ANXA4: variants seen among roughly 807,000 people sequenced by gnomAD.
ANXA4 encodes 35-beta calcimedin.
In ANXA4, 39 loss-of-function variants were observed where a neutral mutation model predicts 49.8. The ratio of observed to expected loss-of-function variants is 0.78; its 90% CI spans 0.61 to 1.02. The LOEUF (loss-of-function observed/expected upper bound fraction) is 1.02. Ranked by LOEUF, ANXA4 falls within the 50% of genes least tolerant of loss-of-function variation. The pLI is 0.00. For synonymous variants in ANXA4, 134 were observed against 152.5 expected (o/e 0.88, Z 0.89); for missense variants, 360 against 410.1 (o/e 0.88, Z 1.05).
intron 2 of ANXA4, among the ~76,000 whole-genome samples, chr2:69,694,525 C>T (rs896911345): frequency 9.6e-6 from 1 of 104,694 alleles, no homozygotes; most frequent in African/African-American, 3.6e-5. Context: ...CCTCCCCCCT[C>T]CCCCCACCCC....
chr2:69,649,687 C>CT (rs1195817787), intron 1 of ANXA4, among the ~76,000 whole-genome samples: 1 of 146,580 alleles, frequency 6.8e-6, no homozygotes, highest in African/African-American at 2.5e-5. Context: ...CCTCAGCTCA[C>CT]TGCAGCCTCG....
chr2:69,820,512 G>A (rs2290452), intron 11 of ANXA4, among the ~76,000 whole-genome samples, 187 bp from the exon 12 acceptor site: 34,062 of 151,884 alleles, frequency 0.22, 4,150 homozygotes, highest in African/African-American at 0.32. Context: ...ATAGAGCATT[G>A]GAAAAGTGAG....
At chr2:69,807,430 C>T (rs907464819) in intron 5 of ANXA4, among the ~76,000 whole-genome samples, 1 of 152,138 alleles carries the variant, frequency 6.6e-6, no homozygotes, top group South Asian at 2.1e-4. Flanking sequence ...TGGTCCCCAC[C>T]TTAGGATGGT....
chr2:69,758,442 A>G lies in ANXA4; in HGVS notation c.-47+16267A>G, dbSNP rs368984804. Among the ~76,000 whole-genome samples, 17 of 152,258 alleles carry G rather than the reference A, an allele frequency of 1.1e-4. No homozygotes were observed. The South Asian group carries it at 3.3e-3, about 30-fold the overall frequency. On this transcript the variant is annotated intron_variant, in intron 1 of 12. Coordinates refer to ENST00000394295, the MANE Select transcript of ANXA4 (RefSeq NM_001153.5). ...GACCAGCCTGCTGGGCAACATAGGGAGACTCTACCTCTGCAAAAAAATTTT... is the reference window on the plus strand; with the variant it reads ...GACCAGCCTGCTGGGCAACATAGGGGGACTCTACCTCTGCAAAAAAATTTT...
Position 69,825,596 on chromosome 2 carries a change from T to C in ANXA4, c.*81T>C. ...CATTTTTCTACACTGCTATTATCATTATCTCAGAATGCTTATTTCCAATTA... is the reference window on the plus strand; with the variant it reads ...CATTTTTCTACACTGCTATTATCATCATCTCAGAATGCTTATTTCCAATTA... On this transcript the variant is annotated 3_prime_UTR_variant, in exon 13 of 13. Coordinates refer to ENST00000394295, the MANE Select transcript of ANXA4 (RefSeq NM_001153.5). 9.7e-7 allele frequency: 1 copy of C among 1,033,238 alleles called. No individual in the cohort carries two copies. The allele number at this position is 1,033,238 out of a possible 1,614,324, so 64.0% of individuals were successfully genotyped here. A position where few individuals can be genotyped will look rare whatever the true frequency, so the allele number is the denominator to read the frequency against.
At chr2:69,653,753 G>C (rs1676337986) in intron 2 of ANXA4, among the ~76,000 whole-genome samples, 1 of 152,186 alleles carries the variant, frequency 6.6e-6, no homozygotes, top group African/African-American at 2.4e-5. Flanking sequence ...ATGCCTCCTT[G>C]TGAAGTTTTA....
chr2:69,649,166 G>A (rs938713854), intron 1 of ANXA4, among the ~76,000 whole-genome samples: 4 of 152,050 alleles, frequency 2.6e-5, no homozygotes, highest in Non-Finnish European at 4.4e-5. Flanking sequence ...GATTACAGGT[G>A]TGAGCCACCG....
rs187174763 is a variant in ANXA4, at chr2:69,675,861, A to C, written n.766+22579A>C. Among the ~76,000 whole-genome samples, 1,143 of 152,082 alleles carry C rather than the reference A, an allele frequency of 7.5e-3. 6 individuals are homozygous for C. Among genetic ancestry groups the C allele is most frequent in the Non-Finnish European group, 0.013 (891 of 67,978 alleles). On this transcript the variant is annotated intron_variant and non_coding_transcript_variant, in intron 2 of 3. Transcript: ENST00000418066. The stretch of plus-strand genomic sequence containing the variant: ...ACACGGTGAAACCCTGTCTCTACTA[A>C]AAATACAAAAAATTAGCCAAGCGTG...
At chr2:69,664,072 G>T (rs1238135622) in intron 2 of ANXA4, among the ~76,000 whole-genome samples, 1 of 152,180 alleles carries the variant, frequency 6.6e-6, no homozygotes, top group Non-Finnish European at 1.5e-5. Flanking sequence ...TTCACTTAAA[G>T]AATCCAGAAT....
intron 1 of ANXA4, among the ~76,000 whole-genome samples, chr2:69,761,409 A>C (rs1254384621): frequency 6.6e-6 from 1 of 152,192 alleles, no homozygotes; most frequent in African/African-American, 2.4e-5. Flanking sequence ...ACCTAAAATA[A>C]TTTTCCTTTA....
chr2:69,808,968 A>G (rs1004919747), intron 6 of ANXA4: 1 of 152,144 alleles, frequency 6.6e-6, no homozygotes, highest in African/African-American at 2.4e-5. Context: ...GGCCAAGAAT[A>G]CTATTAAAAT....
intron 2 of ANXA4, among the ~76,000 whole-genome samples, chr2:69,678,341 C>CTT (rs1228987109): frequency 1.3e-5 from 1 of 78,100 alleles, no homozygotes; most frequent in African/African-American, 4.9e-5. Flanking sequence ...TGCTAAATTG[C>CTT]TTTTTTTTTT....
intron 3 of ANXA4, among the ~76,000 whole-genome samples, chr2:69,730,708 T>C (rs1670074723): frequency 6.6e-6 from 1 of 152,236 alleles, no homozygotes; most frequent in South Asian, 2.1e-4. Flanking sequence ...CCAGCTGCAC[T>C]GTAAGAAACT....
At chr2:69,807,864 T>C in intron 5 of ANXA4, 42 bp from the exon 6 acceptor site, 1 of 1,565,818 alleles carries the variant, frequency 6.4e-7, no homozygotes, top group Non-Finnish European at 8.8e-7. Flanking sequence ...CTCAGCTTTG[T>C]AAACTGGCTC....
At chr2:69,804,471 G>T in intron 3 of ANXA4, 62 bp from the exon 4 acceptor site, 1 of 1,468,348 alleles carries the variant, frequency 6.8e-7, no homozygotes, top group African/African-American at 1.4e-5. Context: ...GTCCACAGAG[G>T]AACCTGCTTT....
At chr2:69,715,251 C>G (rs1430827364) in intron 2 of ANXA4, among the ~76,000 whole-genome samples, 1 of 151,944 alleles carries the variant, frequency 6.6e-6, no homozygotes, top group Non-Finnish European at 1.5e-5. Flanking sequence ...GCTCTGTCAC[C>G]CAGGCTGGAG....
At chr2:69,692,364 A>G (rs1181500779) in intron 2 of ANXA4, among the ~76,000 whole-genome samples, 2 of 152,204 alleles carry the variant, frequency 1.3e-5, no homozygotes, top group Non-Finnish European at 2.9e-5. Flanking sequence ...GAAAGATTCA[A>G]TGCTTTAGGT....
At chr2:69,822,066 A>G (rs1674266675) in intron 12 of ANXA4, among the ~76,000 whole-genome samples, 2 of 152,180 alleles carry the variant, frequency 1.3e-5, no homozygotes, top group Non-Finnish European at 2.9e-5. Context: ...ACTTCTTCAA[A>G]AAGTTTAATA....
Position 69,662,582 on chromosome 2 carries a change from C to T in ANXA4, n.766+9300C>T, listed in dbSNP as rs375685902. Among the ~76,000 whole-genome samples the T allele has an allele frequency of 1.5e-4, 23 of 152,242 alleles. No individual in the cohort carries two copies. The East Asian group carries it at 3.9e-3, about 26-fold the overall frequency. Reference sequence around the variant, plus strand: ...TCTACTGAGCTGCTTGGTATTCTTCCTGCTTGGCTCCTAGAACTCTGGCAG... The same window carrying T: ...TCTACTGAGCTGCTTGGTATTCTTCTTGCTTGGCTCCTAGAACTCTGGCAG... On this transcript the variant is annotated intron_variant and non_coding_transcript_variant, in intron 2 of 3. Transcript: ENST00000418066.
Sources: gnomAD v4.1 joint callset for allele counts (sites outside exome capture counted in the v4.1 genomes callset) on GRCh38, gnomAD v4.1.1 for gene constraint, MANE v1.5 for transcripts, NCBI Gene and HGNC (gene_info 2026-07-23, HGNC 2026-07-21) for gene names.